AUTS2: variants seen among roughly 807,000 people sequenced by gnomAD.
AUTS2 encodes the protein activator of transcription and developmental regulator AUTS2, also known as autism susceptibility gene 2 protein.
A neutral mutation model predicts 112.4 loss-of-function variants in AUTS2; 17 were observed. The ratio of observed to expected loss-of-function variants is 0.15; its 90% CI spans 0.10 to 0.23. The LOEUF (loss-of-function observed/expected upper bound fraction) is 0.23. AUTS2 is among the 10% of genes least tolerant of loss of function. AUTS2 has a pLI of 1.00. For missense variants in AUTS2, 1,510 were observed against 1,701.6 expected, an observed-to-expected ratio of 0.89 and a Z score of 1.98; for synonymous variants, 751 against 702.7, an observed-to-expected ratio of 1.07 and a Z score of -1.09.
chr7:70,731,867 A>G (rs559865988), intron 6 of AUTS2, among the ~76,000 whole-genome samples: 84 of 152,224 alleles, frequency 5.5e-4, no homozygotes, highest in African/African-American at 1.6e-3. Context: ...GATATATATC[A>G]TAACCTTTTA....
At chr7:70,748,394 G>A (rs1049480170) in intron 6 of AUTS2, among the ~76,000 whole-genome samples, 1 of 152,134 alleles carries the variant, frequency 6.6e-6, no homozygotes. Flanking sequence ...TTCAAATATA[G>A]GGAACAGCAG....
At chr7:70,065,454 G>T (rs1486651401) in intron 2 of AUTS2, among the ~76,000 whole-genome samples, 3 of 152,072 alleles carry the variant, frequency 2.0e-5, no homozygotes, top group Non-Finnish European at 4.4e-5. Flanking sequence ...AGCACTTTGG[G>T]AGGCTGAGGC....
chr7:70,169,677 G>T (rs1017185456), intron 4 of AUTS2, among the ~76,000 whole-genome samples: 6 of 152,132 alleles, frequency 3.9e-5, no homozygotes, highest in African/African-American at 1.4e-4. Flanking sequence ...TATGGCTGTA[G>T]AATGCAGAGG....
chr7:69,678,279 C>A (rs1234234346), intron 1 of AUTS2, among the ~76,000 whole-genome samples: 3 of 151,988 alleles, frequency 2.0e-5, no homozygotes, highest in Non-Finnish European at 4.4e-5. Flanking sequence ...ACACTACTGG[C>A]ATTTTGAATT....
In AUTS2 at chr7:70,668,247, G is replaced by T. The variant is rs150377877; in HGVS notation, c.691-30322G>T. Among the ~76,000 whole-genome samples, 44 of 152,328 alleles carry T rather than the reference G, an allele frequency of 2.9e-4. No individual in the cohort carries two copies. In the East Asian group the frequency reaches 8.1e-3, roughly 28 times the overall value. On this transcript the variant is annotated intron_variant, in intron 5 of 18. Transcript: ENST00000342771. ...GCCTGCGTCAGCCTCCCAAAGTGCT[G>T]GGATTACAGGCATGAGCCACCGCGC...
chr7:70,451,711 C>T (rs760219701), intron 5 of AUTS2, among the ~76,000 whole-genome samples: 4 of 152,150 alleles, frequency 2.6e-5, no homozygotes, highest in Non-Finnish European at 5.9e-5. Context: ...GAAACAAAGT[C>T]GTAATGCTTT....
intron 5 of AUTS2, among the ~76,000 whole-genome samples, chr7:70,671,171 G>A (rs890381814): frequency 1.4e-5 from 2 of 145,886 alleles, no homozygotes; most frequent in African/African-American, 2.4e-5. Context: ...GTGACAGAGC[G>A]AGACTCCGTC....
At chr7:69,997,106 A>G (rs759159104) in intron 2 of AUTS2, among the ~76,000 whole-genome samples, 6 of 152,180 alleles carry the variant, frequency 3.9e-5, no homozygotes, top group Non-Finnish European at 5.9e-5. Flanking sequence ...AGTGCTTCTT[A>G]AGGTCTGAAA....
intron 1 of AUTS2, among the ~76,000 whole-genome samples, chr7:69,727,632 T>C (rs1008393723): frequency 1.2e-4 from 18 of 152,096 alleles, no homozygotes; most frequent in African/African-American, 4.1e-4. Flanking sequence ...TGCTTGTTTA[T>C]GTCTATTTCT....
chr7:69,960,687 T>A (rs1797394823), intron 2 of AUTS2, among the ~76,000 whole-genome samples: 1 of 152,280 alleles, frequency 6.6e-6, no homozygotes. Context: ...GAAATATATA[T>A]TGACAGGAAA....
intron 4 of AUTS2, among the ~76,000 whole-genome samples, chr7:70,341,919 G>A (rs765938990): frequency 1.3e-5 from 2 of 152,190 alleles, no homozygotes; most frequent in Non-Finnish European, 2.9e-5. Flanking sequence ...ATAGGTTCTG[G>A]TTTTCTTGAT....
chr7:70,448,574 A>G (rs899397265), intron 5 of AUTS2, among the ~76,000 whole-genome samples: 2 of 152,214 alleles, frequency 1.3e-5, no homozygotes, highest in Admixed American at 6.5e-5. Context: ...AAAGAATAAG[A>G]ACAAAAGTAT....
At chr7:69,610,541 G>T (rs1280628814) in intron 1 of AUTS2, among the ~76,000 whole-genome samples, 2 of 152,216 alleles carry the variant, frequency 1.3e-5, no homozygotes, top group Non-Finnish European at 2.9e-5. Context: ...CTTCCTCTGA[G>T]ACAGTTTCCT....
At chr7:69,997,010 C>T (rs1798978130) in intron 2 of AUTS2, among the ~76,000 whole-genome samples, 1 of 145,664 alleles carries the variant, frequency 6.9e-6, no homozygotes. Context: ...AGCATATTTT[C>T]AGGGTTGGCC....
rs1424291929 is a variant in AUTS2, at chr7:70,434,282, GAGAA to G, written c.661-1464_661-1461del. On this transcript the variant is annotated intron_variant, in intron 4 of 18. Transcript: ENST00000342771. ...CCCATCTTTAGCCTCAAGAAAAATT[GAGAA>G]AGAAAATACCTGGCATTTTTAACCT... Among the ~76,000 whole-genome samples the G allele has an allele frequency of 2.0e-5, 3 of 152,282 alleles. No individual in the cohort carries two copies. The East Asian group carries it at 5.8e-4, about 29-fold the overall frequency.
chr7:69,786,337 C>G (rs1389036060), intron 1 of AUTS2, among the ~76,000 whole-genome samples: 1 of 152,202 alleles, frequency 6.6e-6, no homozygotes, highest in Non-Finnish European at 1.5e-5. Context: ...AGTCAGCACT[C>G]TGTAAAAACG....
intron 4 of AUTS2, among the ~76,000 whole-genome samples, chr7:70,255,621 T>C (rs1018768791): frequency 6.6e-6 from 1 of 152,210 alleles, no homozygotes; most frequent in Non-Finnish European, 1.5e-5. Flanking sequence ...CCAGAGACGG[T>C]TTCATAGTAA....
chr7:69,699,332 G>A (rs1046003633), intron 1 of AUTS2, among the ~76,000 whole-genome samples: 7 of 152,108 alleles, frequency 4.6e-5, no homozygotes, highest in African/African-American at 1.7e-4. Context: ...TACTTTATTA[G>A]TCTCTATTAC....
At chr7:69,725,431 A>G (rs1211086657) in intron 1 of AUTS2, among the ~76,000 whole-genome samples, 2 of 152,180 alleles carry the variant, frequency 1.3e-5, no homozygotes, top group African/African-American at 2.4e-5. Flanking sequence ...AAGAGGGTCC[A>G]TTTGTGGCAT....
Sources: gnomAD v4.1 joint callset for allele counts (sites outside exome capture counted in the v4.1 genomes callset) on GRCh38, gnomAD v4.1.1 for gene constraint, MANE v1.5 for transcripts, NCBI Gene and HGNC (gene_info 2026-07-23, HGNC 2026-07-21) for gene names.